Variants in IFT20 observed in about 807,000 individuals in gnomAD.
IFT20 encodes intraflagellar transport 20, also known as intraflagellar transport protein 20 homolog.
IFT20 carries 4 observed loss-of-function variants against 16.9 expected under a neutral mutation model. The observed-to-expected ratio is 0.24, with a 90% CI of 0.12 to 0.54. The LOEUF (loss-of-function observed/expected upper bound fraction) is 0.54. Ranked by LOEUF, IFT20 falls within the 20% of genes least tolerant of loss-of-function variation. IFT20 has a pLI of 0.95. For missense variants in IFT20, 154 were observed against 149.7 expected, an observed-to-expected ratio of 1.03 and a Z score of -0.15; for synonymous variants, 48 against 49.9, an observed-to-expected ratio of 0.96 and a Z score of 0.16.
chr17:28,330,894 C>G (rs782660789), intron 2 of IFT20, among the ~76,000 whole-genome samples: 7 of 152,226 alleles, frequency 4.6e-5, no homozygotes, highest in Non-Finnish European at 8.8e-5. Flanking sequence ...ATACTCGGAC[C>G]TTGCATCCCC....
At chr17:28,331,598 C>T (rs111270393) in intron 2 of IFT20, 18 of 451,854 alleles carry the variant, frequency 4.0e-5, no homozygotes, top group Middle Eastern at 5.9e-4. Flanking sequence ...TTTAAGGTTT[C>T]TAAGAGCAAG....
chr17:28,328,442 C>T lies in IFT20; in HGVS notation c.*210G>A. 1.9e-6 allele frequency: 1 copy of T among 537,186 alleles called. No homozygotes were observed. The highest frequency in any genetic ancestry group is 2.5e-5 in the South Asian group (1 of 39,250). The allele number at this position is 537,186 out of a possible 1,614,324, so 33.3% of individuals were successfully genotyped here. A position where few individuals can be genotyped will look rare whatever the true frequency, so the allele number is the denominator to read the frequency against. ...ACTAAGCATAAGAGGTGAGAACGTA[C>T]ACTGCAGGGCCACCAGCAGCAGCTG... is the stretch of plus-strand genomic sequence containing the variant. On this transcript the variant is annotated 3_prime_UTR_variant, in exon 5 of 5. Coordinates refer to ENST00000395418, the MANE Select transcript of IFT20 (RefSeq NM_001267776.2).
rs2142363440 is a variant in IFT20, at chr17:28,328,433, G to A, written c.*219C>T. 1 of 496,062 alleles carries A rather than the reference G, an allele frequency of 2.0e-6. No homozygotes were observed. 30.7% of individuals were successfully genotyped at this position (496,062 alleles called of 1,614,324 possible). ...TTAGTTCCAACTAAGCATAAGAGGTGAGAACGTACACTGCAGGGCCACCAG... is the reference window on the plus strand; with the variant it reads ...TTAGTTCCAACTAAGCATAAGAGGTAAGAACGTACACTGCAGGGCCACCAG... On this transcript the variant is annotated 3_prime_UTR_variant, in exon 5 of 5. Coordinates refer to ENST00000395418, the MANE Select transcript of IFT20 (RefSeq NM_001267776.2).
At chr17:28,329,066 T>C (rs868935543) in intron 4 of IFT20, 107 bp downstream of exon 4, 5 of 769,438 alleles carry the variant, frequency 6.5e-6, no homozygotes, top group Middle Eastern at 2.4e-4. Flanking sequence ...TGAGATGCTA[T>C]TCCTGGGAAA....
At position 28,331,990 on chromosome 17, in the gene IFT20, G is replaced by A. The variant is rs1555576639; in HGVS notation, c.-2-3C>T. On this transcript the variant is annotated splice_region_variant and splice_polypyrimidine_tract_variant and intron_variant, in intron 1 of 4. Transcript: ENST00000395418. ...ACCCAGGATGTCCTTGGCCATGGCT[G>A]TAAAGAAACAGGCCCAATTCCTCAT... The A allele has an allele frequency of 3.1e-6, 5 of 1,614,196 alleles. No individual in the cohort carries two copies. The East Asian group carries it at 6.7e-5, about 22-fold the overall frequency.
chr17:28,328,557 C>T lies in IFT20; in HGVS notation c.*95G>A. The T allele has an allele frequency of 1.3e-6, 1 of 760,966 alleles. No homozygotes were observed. Among genetic ancestry groups the T allele is most frequent in the Non-Finnish European group, 2.2e-6 (1 of 448,180 alleles). The allele number at this position is 760,966 out of a possible 1,614,324, so 47.1% of individuals were successfully genotyped here. A position where few individuals can be genotyped will look rare whatever the true frequency, so the allele number is the denominator to read the frequency against. ...ACACGCCACCTCTTGTGACATAGGT[C>T]ATTGGTCAAGCCGCTGGAATGCTAC... On this transcript the variant is annotated 3_prime_UTR_variant, in exon 5 of 5. Coordinates refer to ENST00000395418, the MANE Select transcript of IFT20 (RefSeq NM_001267776.2).
chr17:28,330,233 C>T (rs1906666121), intron 3 of IFT20: 3 of 521,018 alleles, frequency 5.8e-6, no homozygotes, highest in Non-Finnish European at 9.6e-6. Context: ...AAGACTCTGT[C>T]TCAAAAAAAA....
At chr17:28,329,715 C>G (rs1906605989) in intron 3 of IFT20, 1 of 164,288 alleles carries the variant, frequency 6.1e-6, no homozygotes, top group Admixed American at 6.3e-5. Flanking sequence ...CACTTGAGGC[C>G]AGGAGTTTGC....
intron 3 of IFT20, 70 bp downstream of exon 3, chr17:28,330,366 CAAGAGGG>C (rs781862700): frequency 2.0e-5 from 20 of 1,007,772 alleles, no homozygotes; most frequent in African/African-American, 6.3e-5. Flanking sequence ...CTAAATAAAT[CAAGAGGG>C]AAGAGGGATG....
At chr17:28,329,055 G>C in intron 4 of IFT20, 118 bp downstream of exon 4, 1 of 725,666 alleles carries the variant, frequency 1.4e-6, no homozygotes, top group Non-Finnish European at 2.3e-6. Flanking sequence ...AGGATGACAA[G>C]TGAGATGCTA....
In IFT20 at chr17:28,331,879, TCTTC is replaced by T; in HGVS notation, c.103_106del (p.Glu35SerfsTer15). On this transcript the variant is annotated frameshift_variant, in exon 2 of 5. Coordinates refer to ENST00000395418, the MANE Select transcript of IFT20 (RefSeq NM_001267776.2). LOFTEE classifies it high-confidence loss of function. ...CTCACTGTCCACAAAGTCTTTGCAC[TCTTC>T]CTTCAGCTCTATGGTCTGCTGGGTA... The T allele has an allele frequency of 1.2e-6, 2 of 1,614,226 alleles. No individual in the cohort carries two copies. The highest frequency in any genetic ancestry group is 1.3e-5 in the African/African-American group (1 of 75,060).
intron 2 of IFT20, chr17:28,331,439 C>G (rs782403963): frequency 6.0e-6 from 1 of 167,502 alleles, no homozygotes; most frequent in Non-Finnish European, 1.3e-5. Flanking sequence ...TTCAGTAAGT[C>G]TGTTGAGCTG....
At chr17:28,331,777 T>G (rs1334330064) in intron 2 of IFT20, 82 bp downstream of exon 2, 10 of 1,570,736 alleles carry the variant, frequency 6.4e-6, no homozygotes, top group Non-Finnish European at 7.9e-6. Context: ...GCAGCTCCAC[T>G]GTGGCAGGGC....
chr17:28,329,396 G>T, intron 3 of IFT20, 120 bp from the exon 4 acceptor site: 1 of 747,134 alleles, frequency 1.3e-6, no homozygotes, highest in Non-Finnish European at 2.2e-6. Flanking sequence ...AGAAAGTGGA[G>T]CCCCAAAGCT....
intron 2 of IFT20, among the ~76,000 whole-genome samples, chr17:28,330,972 A>G (rs782291776): frequency 1.1e-4 from 16 of 152,204 alleles, no homozygotes; most frequent in Non-Finnish European, 1.9e-4. Context: ...CTCATTCTCC[A>G]GACAGACCCC....
At chr17:28,331,767 G>A (rs1020564210) in intron 2 of IFT20, 92 bp downstream of exon 2, 16 of 1,514,708 alleles carry the variant, frequency 1.1e-5, no homozygotes, top group Non-Finnish European at 1.3e-5. Context: ...CAGGGAGCCA[G>A]CAGCTCCACT....
At chr17:28,332,294 G>T in intron 1 of IFT20, 2 of 1,296,454 alleles carry the variant, frequency 1.5e-6, no homozygotes, top group African/African-American at 1.5e-5. Context: ...CACATTTCTT[G>T]AGTGCCTACT....
chr17:28,330,490 C>T lies in IFT20; in HGVS notation c.166G>A (p.Glu56Lys). ...QFQKIVGGLI[E>K]LVDQLAKEAE... ...TCTTTTGCAAGTTGATCAACAAGCTCAATTAAACCACCAACTATTTTCTGA... is the reference window on the plus strand; with the variant it reads ...TCTTTTGCAAGTTGATCAACAAGCTTAATTAAACCACCAACTATTTTCTGA... The change falls in exon 3 of 5, where the codon GAG becomes AAG. Residue 56 changes from glutamate to lysine, a missense_variant. Glu to Lys is a moderately conservative substitution (Grantham distance 56). Coordinates refer to ENST00000395418, the MANE Select transcript of IFT20 (RefSeq NM_001267776.2). 6.2e-7 allele frequency: 1 copy of T among 1,613,714 alleles called. No individual in the cohort carries two copies. The highest frequency in any genetic ancestry group is 1.3e-5 in the African/African-American group (1 of 75,012).
intron 3 of IFT20, chr17:28,330,118 C>T: frequency 1.6e-6 from 1 of 608,670 alleles, no homozygotes; most frequent in South Asian, 2.0e-5. Flanking sequence ...CACCTGTAGT[C>T]CCACCTACTC....
Sources: allele counts gnomAD v4.1 joint callset (sites outside exome capture counted in the v4.1 genomes callset), GRCh38; gene constraint gnomAD v4.1.1; transcripts MANE v1.5; gene names NCBI Gene and HGNC (gene_info 2026-07-23, HGNC 2026-07-21).